The following CCDC149 variants were observed in gnomAD, a reference collection of about 807,000 sequenced individuals.
The protein encoded by CCDC149 is coiled-coil domain containing 149.
In CCDC149, 45 loss-of-function variants were observed where a neutral mutation model predicts 59.9. The ratio of observed to expected loss-of-function variants is 0.75; its 90% confidence interval spans 0.59 to 0.96. The LOEUF is 0.96. Ranked by LOEUF, CCDC149 falls within the 40% of genes least tolerant of loss-of-function variation. The pLI is 0.00. For missense variants in CCDC149, 584 were observed against 664.7 expected (o/e 0.88, Z 1.33); for synonymous variants, 245 against 260.6 (o/e 0.94, Z 0.58).
rs139988364 is a variant in CCDC149, at chr4:24,908,861, T to C, written c.63+3956A>G. On this transcript the variant is annotated intron_variant, in intron 1 of 12. Coordinates refer to ENST00000635206, the MANE Select transcript of CCDC149 (RefSeq NM_001330643.2). Reference sequence around the variant, plus strand: ...ATTCAAATAGTGAAATGGAATTATGTATAGTTTATCATAGAGTGGTGGGCT... The same window carrying C: ...ATTCAAATAGTGAAATGGAATTATGCATAGTTTATCATAGAGTGGTGGGCT... Among the ~76,000 whole-genome samples the C allele has an allele frequency of 8.3e-4, 127 of 152,344 alleles. 2 individuals are homozygous for C. In the East Asian group the frequency reaches 0.018, roughly 22 times the overall value.
chr4:24,849,936 TC>T (rs938499789), intron 4 of CCDC149, among the ~76,000 whole-genome samples: 2 of 152,120 alleles, frequency 1.3e-5, no homozygotes, highest in Non-Finnish European at 2.9e-5. Flanking sequence ...TTATCCCTTG[TC>T]CCCCAAGGCT....
At chr4:24,958,989 C>T (rs73250652) in intron 1 of CCDC149, among the ~76,000 whole-genome samples, 26,693 of 151,870 alleles carry the variant, frequency 0.18, 3,178 homozygotes, top group African/African-American at 0.32. Context: ...GCCGAGATCA[C>T]GCAGGCAGAG....
Position 24,972,871 on chromosome 4 carries a change from T to C in CCDC149, c.-65+7198A>G, listed in dbSNP as rs111996108. Among the ~76,000 whole-genome samples, 93 of 152,362 alleles carry C rather than the reference T, an allele frequency of 6.1e-4. 1 individual carries two copies. Among genetic ancestry groups the C allele is most frequent in the South Asian group, 4.1e-3 (20 of 4,828 alleles). ...TAACGAATCTCTGTTAACTAGATAT[T>C]TCCCCTTCCAGACCCTCCCAATCCT... On this transcript the variant is annotated intron_variant, in intron 1 of 12. Transcript: ENST00000389609.
chr4:24,822,854 G>A (rs73248497), intron 9 of CCDC149: 38,890 of 258,750 alleles, frequency 0.15, 3,164 homozygotes, highest in Non-Finnish European at 0.17. Flanking sequence ...TGACTCCACC[G>A]CTGCCCAAAT....
At chr4:24,886,652 GTTT>G (rs1350398584) in intron 1 of CCDC149, among the ~76,000 whole-genome samples, 1 of 152,152 alleles carries the variant, frequency 6.6e-6, no homozygotes, top group Non-Finnish European at 1.5e-5. Flanking sequence ...CCCTTCTTGT[GTTT>G]TTTGAATAAA....
chr4:24,972,344 G>C (rs1723996586), intron 1 of CCDC149, among the ~76,000 whole-genome samples: 1 of 139,566 alleles, frequency 7.2e-6, no homozygotes, highest in South Asian at 2.2e-4. Flanking sequence ...AAGGCTCTCT[G>C]TCACCCAGGC....
At chr4:24,810,871 C>T (rs1285498358) in intron 12 of CCDC149, among the ~76,000 whole-genome samples, 1 of 152,116 alleles carries the variant, frequency 6.6e-6, no homozygotes, top group Non-Finnish European at 1.5e-5. Context: ...GAAACAGGTA[C>T]AATCATACAT....
intron 1 of CCDC149, among the ~76,000 whole-genome samples, chr4:24,936,996 G>C (rs1158551018): frequency 2.6e-5 from 4 of 152,198 alleles, no homozygotes; most frequent in Non-Finnish European, 5.9e-5. Flanking sequence ...AGTGGGCCGT[G>C]CCCATGGCTG....
intron 1 of CCDC149, among the ~76,000 whole-genome samples, chr4:24,947,974 C>T (rs1208910547): frequency 1.3e-5 from 2 of 152,044 alleles, no homozygotes; most frequent in African/African-American, 4.8e-5. Flanking sequence ...TAAAATATAA[C>T]AGTGACTTCG....
chr4:24,958,351 G>A (rs1291448621), intron 1 of CCDC149, among the ~76,000 whole-genome samples: 1 of 152,156 alleles, frequency 6.6e-6, no homozygotes, highest in Admixed American at 6.5e-5. Context: ...CTTTCTGCCT[G>A]CAGTGCCTCA....
At chr4:24,833,445 G>A (rs1329046177) in intron 8 of CCDC149, among the ~76,000 whole-genome samples, 1 of 152,040 alleles carries the variant, frequency 6.6e-6, no homozygotes, top group Admixed American at 6.6e-5. Flanking sequence ...CCAACACAGT[G>A]GAACCCCGTC....
Position 24,836,761 on chromosome 4 carries a change from A to G in CCDC149, c.663-253T>C, listed in dbSNP as rs568791772. ...AGCCCTCGCAGAGATTCCCTAAGGG[A>G]TATCAACACAGTTTTCACATAATTC... On this transcript the variant is annotated intron_variant, in intron 6 of 12. Transcript: ENST00000635206. Among the ~76,000 whole-genome samples, 21 of 152,326 alleles carry G rather than the reference A, an allele frequency of 1.4e-4. No homozygotes were observed. The South Asian group carries it at 4.4e-3, about 32-fold the overall frequency.
At position 24,853,072 on chromosome 4, in the gene CCDC149, C is replaced by T; in HGVS notation, c.372G>A (p.Lys124=). Residue 124 remains lysine, a splice_region_variant and synonymous_variant, in exon 4 of 13, where the codon AAG becomes AAA. Coordinates refer to ENST00000635206, the MANE Select transcript of CCDC149 (RefSeq NM_001330643.2). ...TCTTCCCTGTAAATACTCACAGTAC[C>T]TTGTTGTCGCCCTGGACTTCTCCAA... 1 of 1,598,984 alleles carries T rather than the reference C, an allele frequency of 6.3e-7. No homozygotes were observed. Among genetic ancestry groups the T allele is most frequent in the South Asian group, 1.1e-5 (1 of 90,724 alleles).
At position 24,887,636 on chromosome 4, in the gene CCDC149, A is replaced by G. The variant is rs1044937453; in HGVS notation, c.64-10939T>C. The stretch of plus-strand genomic sequence containing the variant: ...CCAGGTGAACAGCATTCAACAATCA[A>G]CCTCCCTTCCCCGCCTCCAACAAGC... On this transcript the variant is annotated intron_variant, in intron 1 of 12. Coordinates refer to ENST00000635206, the MANE Select transcript of CCDC149 (RefSeq NM_001330643.2). 2.7e-5 allele frequency among the ~76,000 whole-genome samples: 4 copies of G among 150,280 alleles called. No individual in the cohort carries two copies. The East Asian group carries it at 7.8e-4, about 29-fold the overall frequency.
intron 4 of CCDC149, among the ~76,000 whole-genome samples, chr4:24,843,467 C>T (rs1410750948): frequency 3.3e-5 from 5 of 152,136 alleles, no homozygotes; most frequent in Non-Finnish European, 5.9e-5. Context: ...TCTCCAAATG[C>T]CCCCTGACCT....
intron 1 of CCDC149, among the ~76,000 whole-genome samples, chr4:24,964,868 A>G (rs961202186): frequency 6.6e-6 from 1 of 151,692 alleles, no homozygotes; most frequent in Middle Eastern, 3.2e-3. Context: ...TAGAACACCA[A>G]TTCAAAGACA....
rs1418493560 is a variant in CCDC149 at position 24,912,996 on chromosome 4, C to T, written c.-117G>A. The T allele has an allele frequency of 1.5e-5, 4 of 273,588 alleles. No homozygotes were observed. Among genetic ancestry groups the T allele is most frequent in the Non-Finnish European group, 1.7e-5 (3 of 174,384 alleles). The allele number at this position is 273,588 out of a possible 1,614,324, so 16.9% of individuals were successfully genotyped here. On this transcript the variant is annotated 5_prime_UTR_variant, in exon 1 of 13. Transcript: ENST00000635206. The stretch of plus-strand genomic sequence containing the variant: ...GCCCGGCGCCTCCGAGCCGCTGCGC[C>T]GCCGCCTCTCGCGGCCGCCAGCGCT...
At chr4:24,879,802 G>C (rs546574113) in intron 1 of CCDC149, among the ~76,000 whole-genome samples, 1 of 152,272 alleles carries the variant, frequency 6.6e-6, no homozygotes, top group African/African-American at 2.4e-5. Flanking sequence ...AGAATCTCTG[G>C]TGCCTGGCTC....
chr4:24,926,376 G>A (rs1049142030), intron 1 of CCDC149, among the ~76,000 whole-genome samples: 4 of 152,134 alleles, frequency 2.6e-5, no homozygotes, highest in African/African-American at 9.7e-5. Flanking sequence ...TTCTTCCACT[G>A]CATAACAAGG....
Sources: allele counts gnomAD v4.1 joint callset (sites outside exome capture counted in the v4.1 genomes callset), GRCh38; gene constraint gnomAD v4.1.1; transcripts MANE v1.5; gene names NCBI Gene and HGNC (gene_info 2026-07-23, HGNC 2026-07-21).